Variants in THBS4 observed in about 807,000 individuals in gnomAD.
THBS4 encodes the protein thrombospondin-4.
A neutral mutation model predicts 115.7 loss-of-function variants in THBS4; 90 were observed. That is an observed-to-expected ratio of 0.78 (90% CI 0.66 to 0.93). The LOEUF is 0.93. THBS4 is among the 40% of genes least tolerant of loss of function. The pLI, the probability that THBS4 is intolerant of heterozygous loss-of-function variation, is 0.00. For synonymous variants in THBS4, 460 were observed against 479.3 expected (o/e 0.96, Z 0.53); for missense variants, 1,087 against 1,232.7 (o/e 0.88, Z 1.77).
chr5:80,020,567 G>C (rs1006275612), intron 2 of THBS4, among the ~76,000 whole-genome samples: 4 of 152,338 alleles, frequency 2.6e-5, no homozygotes, highest in African/African-American at 9.6e-5. Context: ...GCATCGCTTA[G>C]TCAGAGGACT....
intron 1 of THBS4, among the ~76,000 whole-genome samples, chr5:79,996,560 T>TTG (rs1160694424): frequency 1.3e-5 from 2 of 152,166 alleles, no homozygotes; most frequent in Non-Finnish European, 2.9e-5. Context: ...CTAGCTAAAT[T>TTG]TGTACAGTTG....
upstream of THBS4, among the ~76,000 whole-genome samples, chr5:80,031,766 G>A (rs945004894): frequency 3.3e-5 from 5 of 152,136 alleles, no homozygotes; most frequent in Non-Finnish European, 5.9e-5. Flanking sequence ...AAATCCTGTT[G>A]GCCAAGCATG....
rs1247085652 is a variant in THBS4, at chr5:80,078,985, C to T, written c.2314+16C>T. On this transcript the variant is annotated intron_variant, in intron 18 of 21. Coordinates refer to ENST00000350881, the MANE Select transcript of THBS4 (RefSeq NM_003248.6). ...CTGGCAGTGGGTATGTCCAGGGCCT[C>T]AGTTGCCACTCACATAGAATTCTTC... 6.2e-7 allele frequency: 1 copy of T among 1,613,990 alleles called. No homozygotes were observed. Among genetic ancestry groups the T allele is most frequent in the Admixed American group, 1.7e-5 (1 of 60,016 alleles).
In THBS4 at chr5:80,022,029, G is replaced by A. The variant is rs151040653; in HGVS notation, n.178-18048G>A. Among the ~76,000 whole-genome samples, 678 of 152,196 alleles carry A rather than the reference G, an allele frequency of 4.5e-3. 10 individuals carry two copies. Among genetic ancestry groups the A allele is most frequent in the African/African-American group, 0.014 (561 of 41,536 alleles). ...CTAAGCTACCCTACACTGAGGGTGC[G>A]ACTCCTGATGTCTCAGTTTTCTATG... On this transcript the variant is annotated intron_variant and non_coding_transcript_variant, in intron 2 of 3. Transcript: ENST00000510218.
chr5:80,030,117 T>G (rs1006364018), intron 2 of THBS4, among the ~76,000 whole-genome samples: 2 of 152,174 alleles, frequency 1.3e-5, no homozygotes, highest in African/African-American at 2.4e-5. Context: ...AATAGTAAAC[T>G]AAATAGGAGT....
intron 17 of THBS4, among the ~76,000 whole-genome samples, chr5:80,078,555 C>A (rs925388328): frequency 2.0e-5 from 3 of 152,170 alleles, no homozygotes; most frequent in African/African-American, 7.2e-5. Context: ...TGCATATCCT[C>A]CTCATTGTGT....
chr5:80,013,807 G>A (rs1832194136), intron 2 of THBS4, among the ~76,000 whole-genome samples: 1 of 152,178 alleles, frequency 6.6e-6, no homozygotes, highest in African/African-American at 2.4e-5. Context: ...GCTATTGTGA[G>A]AATTAAATGA....
chr5:80,083,090 T>G lies in THBS4; in HGVS notation c.2835T>G (p.Pro945=), dbSNP rs1229040869. The G allele has an allele frequency of 1.5e-5, 24 of 1,613,956 alleles. No individual in the cohort carries two copies. The highest frequency in any genetic ancestry group is 2.0e-5 in the Non-Finnish European group (24 of 1,179,908). Reference sequence around the variant, plus strand: ...CCATTCCTATTGCAGACACCATCCCTGAGGACTTCCAAGAGTTTCAAACCC... The same window carrying G: ...CCATTCCTATTGCAGACACCATCCCGGAGGACTTCCAAGAGTTTCAAACCC... ...NLKYRCNDTI[P]EDFQEFQTQN... The change falls in exon 22 of 22, where the codon CCT becomes CCG. Residue 945 remains proline, a synonymous_variant. Transcript: ENST00000350881.
intron 17 of THBS4, 63 bp from the exon 18 acceptor site, chr5:80,078,858 A>G: frequency 6.5e-7 from 1 of 1,541,560 alleles, no homozygotes; most frequent in Non-Finnish European, 8.8e-7. Flanking sequence ...TGAGGTTTTG[A>G]GCTTCCTTAA....
rs562057916 is a variant in THBS4, at chr5:80,045,552, C to T, written c.292+5272C>T. Among the ~76,000 whole-genome samples, 702 of 134,110 alleles carry T rather than the reference C, an allele frequency of 5.2e-3. 8 individuals carry two copies. The highest frequency in any genetic ancestry group is 0.018 in the African/African-American group (673 of 36,530). The allele number at this position is 134,110 out of a possible 152,430, so 88.0% of individuals were successfully genotyped here. A position where few individuals can be genotyped will look rare whatever the true frequency, so the allele number is the denominator to read the frequency against. On this transcript the variant is annotated intron_variant, in intron 2 of 21. Transcript: ENST00000350881. Reference sequence around the variant, plus strand: ...GAGTCTTTTTTTTTTTTTTTTGAGACGGAGTTTTGCTCTTGTTGCCCAGGT... The same window carrying T: ...GAGTCTTTTTTTTTTTTTTTTGAGATGGAGTTTTGCTCTTGTTGCCCAGGT...
intron 2 of THBS4, among the ~76,000 whole-genome samples, chr5:80,003,417 C>T (rs974942024): frequency 6.6e-6 from 1 of 152,068 alleles, no homozygotes; most frequent in East Asian, 1.9e-4. Flanking sequence ...ACCTAGTGAG[C>T]TTTTGGAAGG....
intron 2 of THBS4, among the ~76,000 whole-genome samples, chr5:80,013,358 C>T (rs6870639): frequency 0.013 from 1,977 of 152,164 alleles, 48 homozygotes; most frequent in African/African-American, 0.045. Flanking sequence ...AGGCTGGTCT[C>T]GAACTCCCGA....
chr5:80,011,529 C>A (rs1278111577), intron 2 of THBS4, among the ~76,000 whole-genome samples: 1 of 152,180 alleles, frequency 6.6e-6, no homozygotes, highest in Non-Finnish European at 1.5e-5. Flanking sequence ...AGCTTATTGA[C>A]TGTTGTAGAT....
intron 4 of THBS4, 90 bp downstream of exon 4, chr5:80,058,404 T>G: frequency 2.2e-6 from 2 of 928,780 alleles, no homozygotes; most frequent in South Asian, 3.0e-5. Flanking sequence ...AAAGTGGGAC[T>G]GTCAACAGAG....
upstream of THBS4, among the ~76,000 whole-genome samples, chr5:80,034,137 GTTCTCT>G (rs1300607635): frequency 1.3e-5 from 2 of 152,138 alleles, no homozygotes; most frequent in African/African-American, 4.8e-5. Context: ...GTCTCTCAGT[GTTCTCT>G]CATGTGTAGA....
chr5:80,035,686 A>T lies in THBS4; in HGVS notation c.88+61A>T. 8.5e-7 allele frequency: 1 copy of T among 1,172,676 alleles called. No homozygotes were observed. 72.6% of individuals were successfully genotyped at this position (1,172,676 alleles called of 1,614,324 possible). On this transcript the variant is annotated intron_variant, in intron 1 of 21. Coordinates refer to ENST00000350881, the MANE Select transcript of THBS4 (RefSeq NM_003248.6). The surrounding 1 kb of genome is among the most constrained non-coding windows in gnomAD (Gnocchi z 4.6). Reference sequence around the variant, plus strand: ...CACCGGGTGCCCCATCTGCTGAGTGAGTGGAGGGACTTGCTCGGCCCTGTG... The same window carrying T: ...CACCGGGTGCCCCATCTGCTGAGTGTGTGGAGGGACTTGCTCGGCCCTGTG...
chr5:80,035,551 G>C lies in THBS4; in HGVS notation c.14G>C (p.Arg5Pro). The C allele has an allele frequency of 7.1e-7, 1 of 1,411,684 alleles. No individual in the cohort carries two copies. The highest frequency in any genetic ancestry group is 9.2e-7 in the Non-Finnish European group (1 of 1,082,512). The allele number at this position is 1,411,684 out of a possible 1,614,324, so 87.4% of individuals were successfully genotyped here. Reference sequence around the variant, plus strand: ...GGAAGAGCCAACATGCTGGCCCCGCGCGGAGCCGCCGTCCTCCTGCTGCAC... The same window carrying C: ...GGAAGAGCCAACATGCTGGCCCCGCCCGGAGCCGCCGTCCTCCTGCTGCAC... MLAPRGAAVLLLHLV... is the reference protein window; with the variant it reads MLAPPGAAVLLLHLV... The change falls in exon 1 of 22, where the codon CGC (arginine) becomes CCC (proline). Residue 5 changes from arginine to proline, a missense_variant. Coordinates refer to ENST00000350881, the MANE Select transcript of THBS4 (RefSeq NM_003248.6). This position sits in a 1 kb window ranked among gnomAD's most constrained non-coding sequence, Gnocchi z 4.6.
intron 20 of THBS4, 175 bp from the exon 21 acceptor site, chr5:80,082,231 T>G: frequency 1.4e-6 from 1 of 736,666 alleles, no homozygotes; most frequent in Non-Finnish European, 2.1e-6. Flanking sequence ...GGACTTCCAG[T>G]CTAGTAAGTA....
At chr5:80,010,033 T>C (rs1373987169) in intron 2 of THBS4, among the ~76,000 whole-genome samples, 1 of 152,152 alleles carries the variant, frequency 6.6e-6, no homozygotes, top group South Asian at 2.1e-4. Context: ...CTCAAGAGGC[T>C]GAAGCAGGAG....
Sources: allele counts gnomAD v4.1 joint callset (sites outside exome capture counted in the v4.1 genomes callset), GRCh38; gene constraint gnomAD v4.1.1; non-coding constraint Gnocchi (gnomAD v3.1); transcripts MANE v1.5; gene names NCBI Gene and HGNC (gene_info 2026-07-23, HGNC 2026-07-21).